TAFA2: variants seen among roughly 807,000 people sequenced by gnomAD.
The protein encoded by TAFA2 is TAFA chemokine like family member 2, also known as chemokine-like protein TAFA-2.
Under a neutral mutation model 18.8 loss-of-function variants are expected in TAFA2, and 7 were observed. That is an observed-to-expected ratio of 0.37 (90% CI 0.21 to 0.70). The LOEUF (loss-of-function observed/expected upper bound fraction) is 0.70. Ranked by LOEUF, TAFA2 falls within the 30% of genes least tolerant of loss-of-function variation. The pLI, the probability that TAFA2 is intolerant of heterozygous loss-of-function variation, is 0.53. For missense variants in TAFA2, 122 were observed against 158.1 expected, an observed-to-expected ratio of 0.77 and a Z score of 1.23; for synonymous variants, 60 against 54.2, an observed-to-expected ratio of 1.11 and a Z score of -0.47.
chr12:62,221,215 GGGGAA>G (rs1463946834), intron 1 of TAFA2, among the ~76,000 whole-genome samples: 692 of 65,952 alleles, frequency 0.01, 8 homozygotes, highest in Admixed American at 0.018. Flanking sequence ...GGAAGGAAGG[GGGGAA>G]GGAAGGAAGG....
intron 4 of TAFA2, among the ~76,000 whole-genome samples, chr12:61,720,501 C>G (rs780578590): frequency 6.6e-6 from 1 of 152,136 alleles, no homozygotes; most frequent in Non-Finnish European, 1.5e-5. Context: ...TGATGCCTCT[C>G]TCTACTTTTT....
chr12:62,251,289 T>A (rs1336303393), intron 1 of TAFA2, among the ~76,000 whole-genome samples: 1 of 152,188 alleles, frequency 6.6e-6, no homozygotes, highest in Non-Finnish European at 1.5e-5. Flanking sequence ...GATGAGGTGA[T>A]TTCAAAGAAG....
At chr12:62,211,759 TG>T (rs1339260786) in intron 1 of TAFA2, among the ~76,000 whole-genome samples, 1 of 152,202 alleles carries the variant, frequency 6.6e-6, no homozygotes, top group East Asian at 1.9e-4. Context: ...AGTGCATGAA[TG>T]TATAAGACTA....
chr12:61,794,719 A>T (rs1200725429), intron 2 of TAFA2, among the ~76,000 whole-genome samples: 2 of 152,106 alleles, frequency 1.3e-5, no homozygotes, highest in African/African-American at 4.8e-5. Context: ...GCCCCCAAAA[A>T]TTGACAAATG....
intron 1 of TAFA2, among the ~76,000 whole-genome samples, chr12:62,219,431 G>A (rs747420181): frequency 3.9e-5 from 6 of 152,084 alleles, no homozygotes; most frequent in Non-Finnish European, 8.8e-5. Flanking sequence ...AGCAACCCCA[G>A]AATTTAAATT....
intron 2 of TAFA2, among the ~76,000 whole-genome samples, chr12:61,858,739 A>G (rs759997045): frequency 2.7e-4 from 41 of 152,166 alleles, no homozygotes; most frequent in Non-Finnish European, 5.7e-4. Flanking sequence ...ATGACCCATG[A>G]AATTCTACTT....
chr12:62,112,507 G>A (rs1869779436), intron 1 of TAFA2, among the ~76,000 whole-genome samples: 1 of 152,050 alleles, frequency 6.6e-6, no homozygotes, highest in South Asian at 2.1e-4. Flanking sequence ...GGTGTTCTCT[G>A]TATTTCTAAT....
At chr12:62,076,091 A>T (rs1489390124) in intron 1 of TAFA2, among the ~76,000 whole-genome samples, 2 of 152,116 alleles carry the variant, frequency 1.3e-5, no homozygotes, top group Admixed American at 1.3e-4. Context: ...TTAACCTTTG[A>T]CTTGGTAAAT....
chr12:61,797,954 G>T (rs2120955426), intron 2 of TAFA2, among the ~76,000 whole-genome samples: 1 of 152,218 alleles, frequency 6.6e-6, no homozygotes, highest in South Asian at 2.1e-4. Context: ...TACTCATATA[G>T]AAATGATTTT....
intron 1 of TAFA2, chr12:62,234,973 A>G: frequency 1.5e-6 from 1 of 681,216 alleles, no homozygotes; most frequent in African/African-American, 1.8e-5. Flanking sequence ...GAGGCCAACA[A>G]TGTTTCATCA....
intron 1 of TAFA2, among the ~76,000 whole-genome samples, chr12:61,908,017 T>G (rs919498695): frequency 3.3e-5 from 5 of 152,158 alleles, no homozygotes; most frequent in Non-Finnish European, 7.3e-5. Context: ...TGGCTTTTGA[T>G]TTTATGGGCT....
rs1479846921 is a variant in TAFA2 at position 61,724,749 on chromosome 12, CTA to C, written c.385-14334_385-14333del. Among the ~76,000 whole-genome samples, 48 of 96,346 alleles carry C rather than the reference CTA, an allele frequency of 5.0e-4. No homozygotes were observed. In the South Asian group the frequency reaches 7.3e-3, roughly 15 times the overall value. 63.2% of individuals were successfully genotyped at this position (96,346 alleles called of 152,430 possible). On this transcript the variant is annotated intron_variant, in intron 4 of 4. Coordinates refer to ENST00000416284, the MANE Select transcript of TAFA2 (RefSeq NM_178539.5). Reference sequence around the variant, plus strand: ...GGCTGAGTAGTATTCCATGGTATGTCTATGTGTGTGTGTGTGTGTGTGTGTGT... The same window carrying C: ...GGCTGAGTAGTATTCCATGGTATGTCTGTGTGTGTGTGTGTGTGTGTGTGT...
chr12:61,753,560 A>C, intron 4 of TAFA2, 62 bp downstream of exon 4: 1 of 1,504,314 alleles, frequency 6.6e-7, no homozygotes, highest in Non-Finnish European at 9.1e-7. Context: ...TGGTTACTGC[A>C]CAAGCTCCGT....
At chr12:61,836,753 A>C (rs983562607) in intron 2 of TAFA2, among the ~76,000 whole-genome samples, 6 of 145,508 alleles carry the variant, frequency 4.1e-5, no homozygotes, top group African/African-American at 7.5e-5. Flanking sequence ...ATATATATAT[A>C]TATACACACA....
Position 61,724,787 on chromosome 12 carries a change from G to A in TAFA2, c.385-14370C>T, listed in dbSNP as rs1393907702. 9.9e-3 allele frequency among the ~76,000 whole-genome samples: 863 copies of A among 87,418 alleles called. 8 individuals carry two copies. Among genetic ancestry groups the A allele is most frequent in the African/African-American group, 0.037 (785 of 21,494 alleles). 57.3% of individuals were successfully genotyped at this position (87,418 alleles called of 152,430 possible). On this transcript the variant is annotated intron_variant, in intron 4 of 4. Transcript: ENST00000416284. The stretch of plus-strand genomic sequence containing the variant: ...TGTGTGTGTGTGTGTGTGTGTGTGT[G>A]TGTGTGTGTGTGTGTATACACCAGA...
chr12:61,874,406 T>A (rs1486848506), intron 1 of TAFA2, among the ~76,000 whole-genome samples: 2 of 152,152 alleles, frequency 1.3e-5, no homozygotes, highest in Non-Finnish European at 2.9e-5. Context: ...AAGTCAACCC[T>A]GGAGATTTAC....
intron 1 of TAFA2, among the ~76,000 whole-genome samples, chr12:62,042,424 T>C (rs1347796866): frequency 1.1e-5 from 1 of 86,962 alleles, no homozygotes; most frequent in Non-Finnish European, 2.6e-5. Context: ...TGTGTGTGTG[T>C]GTGTGCGCGT....
intron 1 of TAFA2, among the ~76,000 whole-genome samples, chr12:61,912,643 T>C (rs772853754): frequency 6.6e-6 from 1 of 152,184 alleles, no homozygotes; most frequent in Non-Finnish European, 1.5e-5. Flanking sequence ...TTCTCTTTTC[T>C]CAGTGGAATC....
chr12:61,817,182 G>T (rs1205017763), intron 2 of TAFA2, among the ~76,000 whole-genome samples: 1 of 152,074 alleles, frequency 6.6e-6, no homozygotes, highest in African/African-American at 2.4e-5. Flanking sequence ...CTTATATTAA[G>T]AAGACAAGAT....
Sources: allele counts gnomAD v4.1 joint callset (sites outside exome capture counted in the v4.1 genomes callset), GRCh38; gene constraint gnomAD v4.1.1; transcripts MANE v1.5; gene names NCBI Gene and HGNC (gene_info 2026-07-23, HGNC 2026-07-21).